The following NOTCH1 variants were observed in gnomAD, a reference collection of about 807,000 sequenced individuals.
The protein encoded by NOTCH1 is notch receptor 1.
In NOTCH1, 37 loss-of-function variants were observed where a neutral mutation model predicts 254.8. The observed-to-expected ratio is 0.15, with a 90% CI of 0.11 to 0.19. The LOEUF (loss-of-function observed/expected upper bound fraction) is 0.19, where lower values mean the gene tolerates loss of function less well. Among genes scored for constraint, NOTCH1 ranks in the 10% least tolerant of loss-of-function variants. The probability of loss-of-function intolerance (pLI) is 1.00; values close to 1 mark genes in which losing one functional copy is unlikely to be tolerated. For synonymous variants in NOTCH1, 1,731 were observed against 1,618.1 expected, an observed-to-expected ratio of 1.07 and a Z score of -1.68; for missense variants, 2,972 against 3,708.6, an observed-to-expected ratio of 0.80 and a Z score of 5.16.
chr9:136,518,320 A>G, intron 6 of NOTCH1, 28 bp from the exon 7 acceptor site: 1 of 1,599,726 alleles, frequency 6.3e-7, no homozygotes, highest in Non-Finnish European at 8.5e-7. Flanking sequence ...GTCAGTGGGC[A>G]CGGCCCCTGG....
At chr9:136,534,075 G>A (rs979344172) in intron 2 of NOTCH1, among the ~76,000 whole-genome samples, 5 of 152,220 alleles carry the variant, frequency 3.3e-5, no homozygotes, top group South Asian at 2.1e-4. Flanking sequence ...CGTCGGCTTC[G>A]TCCTGCCCTC....
At chr9:136,534,957 C>CGAGTCCCTCCCCA in intron 2 of NOTCH1, among the ~76,000 whole-genome samples, 2 of 135,228 alleles carry the variant, frequency 1.5e-5, no homozygotes, top group Admixed American at 7.2e-5. Context: ...ACAGAGCCCC[C>CGAGTCCCTCCCCA]CAGTCCCTCC....
intron 15 of NOTCH1, 119 bp from the exon 16 acceptor site, chr9:136,511,390 A>G: frequency 7.5e-7 from 1 of 1,341,042 alleles, no homozygotes; most frequent in South Asian, 1.4e-5. Flanking sequence ...GCCGGGAGGC[A>G]AATGTGCACC....
chr9:136,535,333 CGTG>C (rs1843628634), intron 2 of NOTCH1, among the ~76,000 whole-genome samples: 1 of 152,088 alleles, frequency 6.6e-6, no homozygotes, highest in African/African-American at 2.4e-5. Flanking sequence ...CCTGTTTAAC[CGTG>C]CGGGCTCAAT....
Position 136,516,260 on chromosome 9 carries a change from C to T in NOTCH1, c.1556-166G>A, listed in dbSNP as rs527855214. Among the ~76,000 whole-genome samples the T allele has an allele frequency of 3.8e-3, 574 of 152,298 alleles. 3 individuals are homozygous for T. Among genetic ancestry groups the T allele is most frequent in the African/African-American group, 0.011 (475 of 41,556 alleles). On this transcript the variant is annotated intron_variant, in intron 9 of 33. Transcript: ENST00000651671. ...TCCCTGCCTCCCGCTGCCCGCTCCCCGGATCAAAGCCCCTCCCCCAGCACC... is the reference window on the plus strand; with the variant it reads ...TCCCTGCCTCCCGCTGCCCGCTCCCTGGATCAAAGCCCCTCCCCCAGCACC...
chr9:136,544,495 C>G (rs1030570980), intron 1 of NOTCH1, among the ~76,000 whole-genome samples: 39 of 152,136 alleles, frequency 2.6e-4, no homozygotes, highest in African/African-American at 9.4e-4. Context: ...CAGGGCAGGG[C>G]CCCCCATCCA....
At position 136,511,241 on chromosome 9, in the gene NOTCH1, C is replaced by T; in HGVS notation, c.2498G>A (p.Cys833Tyr). 6.2e-7 allele frequency: 1 copy of T among 1,612,594 alleles called. No individual in the cohort carries two copies. Among genetic ancestry groups the T allele is most frequent in the Non-Finnish European group, 8.5e-7 (1 of 1,179,958 alleles). ...GCCGTTTCTGCAGGGGCTGGGGGCA[C>T]ACGGGGCCAGCACCACCTCACACGT... ...GATCEVVLAP[C>Y]APSPCRNGGE... Residue 833 changes from cysteine (C) to tyrosine (Y), a missense_variant, in exon 16 of 34, where the codon TGT becomes TAT. By Grantham distance (194) the Cys-to-Tyr change is radical (BLOSUM62 -2). Coordinates refer to ENST00000651671, the MANE Select transcript of NOTCH1 (RefSeq NM_017617.5).
rs752748135 is a variant in NOTCH1, at chr9:136,497,234, C to T, written c.6505G>A (p.Gly2169Arg). The change falls in exon 34 of 34, where the codon GGA becomes AGA. Residue 2169 changes from glycine to arginine, a missense_variant. Transcript: ENST00000651671. ...TTGAGGTCCTTGGCCTCCTTGCTTC[C>T]ACAGGCCAGGCCTTTGCTGCTGGGC... ...RKPSSKGLAC[G>R]SKEAKDLKAR... 6 of 1,612,578 alleles carry T rather than the reference C, an allele frequency of 3.7e-6. No individual in the cohort carries two copies. Among genetic ancestry groups the T allele is most frequent in the Non-Finnish European group, 5.1e-6 (6 of 1,179,952 alleles).
At chr9:136,529,863 A>T (rs3124610) in intron 2 of NOTCH1, among the ~76,000 whole-genome samples, 1 of 152,268 alleles carries the variant, frequency 6.6e-6, no homozygotes, top group African/African-American at 2.4e-5. Context: ...TCACCGTTGG[A>T]GCACAAAACC....
intron 2 of NOTCH1, 193 bp downstream of exon 2, chr9:136,543,831 C>A: frequency 3.0e-6 from 2 of 676,832 alleles, no homozygotes; most frequent in Non-Finnish European, 5.3e-6. Context: ...GCCAGACCAG[C>A]TCCACACGCA....
chr9:136,507,429 G>C lies in NOTCH1; in HGVS notation c.3519C>G (p.Ala1173=). The part of the protein sequence containing the change: ...YLGGYSCKCV[A]GYHGVNCSEE... Reference sequence around the variant, plus strand: ...CAGAGCAGTTCACCCCGTGGTAGCCGGCCACGCACTGTGCAGGCGACAGAA... The same window carrying C: ...CAGAGCAGTTCACCCCGTGGTAGCCCGCCACGCACTGTGCAGGCGACAGAA... Residue 1173 remains alanine, a synonymous_variant, in exon 22 of 34, where the codon GCC becomes GCG. Transcript: ENST00000651671. 1 of 1,606,412 alleles carries C rather than the reference G, an allele frequency of 6.2e-7. No individual in the cohort carries two copies. The highest frequency in any genetic ancestry group is 8.5e-7 in the Non-Finnish European group (1 of 1,177,346).
In NOTCH1 at chr9:136,509,949, T is replaced by C. The variant is rs367586502; in HGVS notation, c.2753A>G (p.Asn918Ser). The C allele has an allele frequency of 3.7e-5, 59 of 1,612,970 alleles. No individual in the cohort carries two copies. Among genetic ancestry groups the C allele is most frequent in the Non-Finnish European group, 4.7e-5 (56 of 1,179,986 alleles). ...GATGCCGTCTGTGCAGGAGCCCCCG[T>C]TGTGACACGGGTCTGGGAGAGGACG... ...IDDCRPNPCH[N>S]GGSCTDGINT... Residue 918 changes from asparagine (N) to serine (S), a missense_variant, in exon 18 of 34, where the codon AAC (asparagine) becomes AGC (serine). By Grantham distance (46) the Asn-to-Ser change is conservative. This residue lies in a region of NOTCH1 where 1,343 missense variants were observed against 1,557.0 expected (regional missense o/e 0.86). Coordinates refer to ENST00000651671, the MANE Select transcript of NOTCH1 (RefSeq NM_017617.5).
At chr9:136,510,385 G>C (rs902426081) in intron 17 of NOTCH1, 3 of 588,982 alleles carry the variant, frequency 5.1e-6, no homozygotes, top group Non-Finnish European at 9.1e-6. Flanking sequence ...TGCAGGCCGG[G>C]CCCGAGCCAT....
rs1368489813 is a variant in NOTCH1, at chr9:136,522,834, C to T, written c.742+16G>A. 4 of 1,468,126 alleles carry T rather than the reference C, an allele frequency of 2.7e-6. No homozygotes were observed. The highest frequency in any genetic ancestry group is 1.4e-5 in the South Asian group (1 of 72,680). The allele number at this position is 1,468,126 out of a possible 1,614,324, so 90.9% of individuals were successfully genotyped here. On this transcript the variant is annotated intron_variant, in intron 4 of 33. Transcript: ENST00000651671. ...CGGGGAGGGGCTCGTGCACCCCGGC[C>T]AGCGGGCAGCACTACCTGGCAGGCA...
At chr9:136,498,810 C>T (rs1189219135) in intron 33 of NOTCH1, 89 bp downstream of exon 33, 11 of 1,479,944 alleles carry the variant, frequency 7.4e-6, no homozygotes, top group Non-Finnish European at 1.0e-5. Context: ...GGGTCAGGCC[C>T]TTGTGTCCCT....
rs769903954 is a variant in NOTCH1, at chr9:136,507,983, G to C, written c.3482C>G (p.Thr1161Arg). 1.9e-6 allele frequency: 3 copies of C among 1,612,574 alleles called. No homozygotes were observed. Among genetic ancestry groups the C allele is most frequent in the Admixed American group, 1.7e-5 (1 of 60,028 alleles). Residue 1161 changes from threonine (T) to arginine (R), a missense_variant, in exon 21 of 34, where the codon ACG becomes AGG. Coordinates refer to ENST00000651671, the MANE Select transcript of NOTCH1 (RefSeq NM_017617.5). Reference protein sequence around the residue: ...PSPCQNGATCTDYLGGYSCKC... With the variant: ...PSPCQNGATCRDYLGGYSCKC... ...GCAGGAGTAGCCGCCCAGGTAGTCC[G>C]TGCAGGTGGCCCCGTTCTGGCAGGG...
At chr9:136,541,826 T>C (rs1310972908) in intron 2 of NOTCH1, among the ~76,000 whole-genome samples, 3 of 152,200 alleles carry the variant, frequency 2.0e-5, no homozygotes, top group Non-Finnish European at 2.9e-5. Flanking sequence ...AGCAGGAGCC[T>C]GAGGACGCGC....
At chr9:136,530,747 G>T (rs879891214) in intron 2 of NOTCH1, among the ~76,000 whole-genome samples, 3 of 152,220 alleles carry the variant, frequency 2.0e-5, no homozygotes, top group Non-Finnish European at 2.9e-5. Context: ...AACCTCTTGA[G>T]TTGGAGAGGC....
At position 136,496,902 on chromosome 9, in the gene NOTCH1, G is replaced by A. The variant is rs765976811; in HGVS notation, c.6837C>T (p.Ala2279=). 1.2e-6 allele frequency: 2 copies of A among 1,612,812 alleles called. No homozygotes were observed. Among genetic ancestry groups the A allele is most frequent in the South Asian group, 1.1e-5 (1 of 91,084 alleles). ...AGCCCAGGACGGTGCTGGTGCCAGA[G>A]GCCACAGGCAGGTGGGAGAGACGAG... The part of the protein sequence containing the change: ...GPPRLSHLPV[A]SGTSTVLGSS... Residue 2279 remains alanine (A), a synonymous_variant, in exon 34 of 34, where the codon GCC becomes GCT. Transcript: ENST00000651671.
Sources: allele counts gnomAD v4.1 joint callset (sites outside exome capture counted in the v4.1 genomes callset), GRCh38; gene constraint gnomAD v4.1.1; regional missense constraint gnomAD v4.1.1; transcripts MANE v1.5; gene names NCBI Gene and HGNC (gene_info 2026-07-23, HGNC 2026-07-21).